MRTFB: variants seen among roughly 807,000 people sequenced by gnomAD.
MRTFB encodes myocardin related transcription factor B.
MRTFB carries 29 observed loss-of-function variants against 104.2 expected under a neutral mutation model. The observed-to-expected ratio is 0.28, with a 90% CI of 0.21 to 0.38. The LOEUF (loss-of-function observed/expected upper bound fraction) is 0.38, where lower values mean the gene tolerates loss of function less well. Among genes scored for constraint, MRTFB ranks in the 10% least tolerant of loss-of-function variants. The pLI is 1.00. For missense variants in MRTFB, 1,270 were observed against 1,341.6 expected (o/e 0.95, Z 0.83); for synonymous variants, 535 against 519.5 (o/e 1.03, Z -0.41).
At chr16:14,257,673 G>A (rs1307728533) in intron 15 of MRTFB, among the ~76,000 whole-genome samples, 2 of 152,186 alleles carry the variant, frequency 1.3e-5, no homozygotes, top group Non-Finnish European at 2.9e-5. Context: ...ATATTTATAT[G>A]TCAAAACATA....
the MRTFB span, among the ~76,000 whole-genome samples, chr16:14,046,934 G>T: frequency 1.3e-5 from 2 of 152,192 alleles, no homozygotes; most frequent in African/African-American, 4.8e-5. Flanking sequence ...AATCTGTCAA[G>T]GTGTTGTGAT....
At chr16:14,105,227 G>A (rs1428032544) in intron 2 of MRTFB, among the ~76,000 whole-genome samples, 1 of 152,108 alleles carries the variant, frequency 6.6e-6, no homozygotes, top group Non-Finnish European at 1.5e-5. Flanking sequence ...ACTACCCCTT[G>A]TACCTCATTG....
chr16:14,158,665 TATAATC>T (rs1387313037), intron 3 of MRTFB, among the ~76,000 whole-genome samples: 2 of 152,196 alleles, frequency 1.3e-5, no homozygotes, highest in Non-Finnish European at 2.9e-5. Flanking sequence ...AAGGTATAAA[TATAATC>T]ATATGCAAAG....
intron 3 of MRTFB, among the ~76,000 whole-genome samples, chr16:14,196,688 G>T (rs190904709): frequency 7.6e-4 from 115 of 152,166 alleles, no homozygotes; most frequent in Middle Eastern, 3.4e-3. Flanking sequence ...GTAGTGTCTG[G>T]GGTTGATATT....
At chr16:14,166,160 A>G (rs1336563728) in intron 3 of MRTFB, among the ~76,000 whole-genome samples, 1 of 152,060 alleles carries the variant, frequency 6.6e-6, no homozygotes, top group Non-Finnish European at 1.5e-5. Flanking sequence ...ACAGAAATTA[A>G]AGGATACCTT....
intron 3 of MRTFB, among the ~76,000 whole-genome samples, chr16:14,163,025 C>T (rs756169797): frequency 1.3e-5 from 2 of 152,076 alleles, no homozygotes; most frequent in East Asian, 1.9e-4. Flanking sequence ...AAAACATCAA[C>T]GTATTTATTC....
At chr16:14,259,364 T>C (rs2043662064) in intron 16 of MRTFB, among the ~76,000 whole-genome samples, 1 of 152,214 alleles carries the variant, frequency 6.6e-6, no homozygotes, top group South Asian at 2.1e-4. Flanking sequence ...AGCTATTTTC[T>C]AAAATGAGAT....
At chr16:14,162,339 C>A (rs563086773) in intron 3 of MRTFB, among the ~76,000 whole-genome samples, 1 of 150,320 alleles carries the variant, frequency 6.7e-6, no homozygotes, top group African/African-American at 2.5e-5. Flanking sequence ...TTCCCCCTCT[C>A]TTTCCCCAAA....
intron 3 of MRTFB, among the ~76,000 whole-genome samples, chr16:14,154,938 T>G (rs1308790204): frequency 6.6e-6 from 1 of 152,188 alleles, no homozygotes; most frequent in Non-Finnish European, 1.5e-5. Context: ...TTCCTTAAAC[T>G]TAACCATATT....
In MRTFB at chr16:14,088,034, C is replaced by G. The variant is rs185158627; in HGVS notation, c.-64+8680C>G. Among the ~76,000 whole-genome samples, 247 of 152,210 alleles carry G rather than the reference C, an allele frequency of 1.6e-3. 1 individual carries two copies. Among genetic ancestry groups the G allele is most frequent in the Non-Finnish European group, 6.6e-4 (45 of 68,018 alleles). On this transcript the variant is annotated intron_variant, in intron 2 of 16. Transcript: ENST00000571589. ...ACTTAATTCATGGCTTTGTTACCTT[C>G]AGGTCTTTGGGAGGTGGAAATGGAT...
chr16:14,251,860 A>T lies in MRTFB; in HGVS notation c.2404-2A>T. On this transcript the variant is annotated splice_acceptor_variant, in intron 13 of 16. Transcript: ENST00000571589. LOFTEE classifies it high-confidence loss of function. ...TAATGGAGAAACATTTATTCATTAC[A>T]GGTTTTCACAAACTCAGCATCATCA... is the stretch of plus-strand genomic sequence containing the variant. 1.2e-6 allele frequency: 2 copies of T among 1,613,510 alleles called. No homozygotes were observed. The highest frequency in any genetic ancestry group is 1.7e-4 in the Middle Eastern group (1 of 6,060).
At chr16:14,200,414 G>A (rs1484556105) in intron 3 of MRTFB, 49 of 1,608,312 alleles carry the variant, frequency 3.0e-5, no homozygotes, top group Non-Finnish European at 3.8e-5. Context: ...TGATGCGGAA[G>A]AGGAGACGAC....
At chr16:14,092,236 A>AT (rs937773674) in intron 2 of MRTFB, among the ~76,000 whole-genome samples, 26 of 150,536 alleles carry the variant, frequency 1.7e-4, no homozygotes, top group Admixed American at 3.3e-4. Flanking sequence ...GACAGGGACT[A>AT]TTTTTTTTTG....
rs1414454630 is a variant in MRTFB, at chr16:14,212,349, C to A, written c.221-5C>A. The stretch of plus-strand genomic sequence containing the variant: ...ATACTGTGGAAACCATTTCTTTTCT[C>A]ACAGCTTTGAAGAGCCCAGCGGCAT... On this transcript the variant is annotated splice_region_variant and splice_polypyrimidine_tract_variant and intron_variant, in intron 4 of 16. Coordinates refer to ENST00000571589, the MANE Select transcript of MRTFB (RefSeq NM_001308142.2). 6 of 1,613,650 alleles carry A rather than the reference C, an allele frequency of 3.7e-6. No individual in the cohort carries two copies. The highest frequency in any genetic ancestry group is 5.1e-6 in the Non-Finnish European group (6 of 1,179,774).
At chr16:14,222,888 G>A (rs966193642) in intron 8 of MRTFB, among the ~76,000 whole-genome samples, 2 of 151,956 alleles carry the variant, frequency 1.3e-5, no homozygotes, top group East Asian at 3.9e-4. Context: ...TTCAACAAAA[G>A]ATACAAAGAA....
At chr16:14,233,781 C>CAA (rs1007606658) in intron 8 of MRTFB, among the ~76,000 whole-genome samples, 4,149 of 48,584 alleles carry the variant, frequency 0.085, 431 homozygotes, top group African/African-American at 0.25. Context: ...GACTCCCTCT[C>CAA]AAAAAAAAAA....
rs541252946 is a variant in MRTFB at position 14,217,034 on chromosome 16, A to C, written c.353-92A>C. ...GTCGAGAACACAAAAATGTGTCTAA[A>C]TCAGTTTAAATTCAGTTTGTTGGCC... is the stretch of plus-strand genomic sequence containing the variant. On this transcript the variant is annotated intron_variant, in intron 6 of 16. Coordinates refer to ENST00000571589, the MANE Select transcript of MRTFB (RefSeq NM_001308142.2). 3.1e-6 allele frequency: 4 copies of C among 1,306,600 alleles called. No homozygotes were observed. The African/African-American group carries it at 4.4e-5, about 14-fold the overall frequency. 80.9% of individuals were successfully genotyped at this position (1,306,600 alleles called of 1,614,324 possible). A position where few individuals can be genotyped will look rare whatever the true frequency, so the allele number is the denominator to read the frequency against.
chr16:14,010,403 A>C, the MRTFB span, among the ~76,000 whole-genome samples: 63 of 152,212 alleles, frequency 4.1e-4, no homozygotes, highest in African/African-American at 1.2e-3. Context: ...TGCAGCCTCA[A>C]CTTCAAGCAA....
chr16:14,024,593 A>G, the MRTFB span, among the ~76,000 whole-genome samples: 1 of 152,190 alleles, frequency 6.6e-6, no homozygotes, highest in Non-Finnish European at 1.5e-5. Flanking sequence ...AATTAGACCC[A>G]AGACATCACG....
Sources: gnomAD v4.1 joint callset for allele counts (sites outside exome capture counted in the v4.1 genomes callset) on GRCh38, gnomAD v4.1.1 for gene constraint, MANE v1.5 for transcripts, NCBI Gene and HGNC (gene_info 2026-07-23, HGNC 2026-07-21) for gene names.